SMYD3: variants seen among roughly 807,000 people sequenced by gnomAD.
The protein encoded by SMYD3 is histone-lysine N-methyltransferase SMYD3.
In SMYD3, 36 loss-of-function variants were observed where a neutral mutation model predicts 57.7. The ratio of observed to expected loss-of-function variants is 0.62; its 90% CI spans 0.48 to 0.82. SMYD3 has a LOEUF of 0.82. Ranked by LOEUF, SMYD3 falls within the 40% of genes least tolerant of loss-of-function variation. The pLI is 0.00. For missense variants in SMYD3, 515 were observed against 538.8 expected (o/e 0.96, Z 0.44); for synonymous variants, 211 against 195.0 (o/e 1.08, Z -0.68).
intron 5 of SMYD3, among the ~76,000 whole-genome samples, chr1:246,154,789 G>GT (rs56920133): frequency 0.017 from 2,511 of 144,052 alleles, 59 homozygotes; most frequent in African/African-American, 0.053. Flanking sequence ...TTTGTTTTTT[G>GT]TTTTTTTTTT....
chr1:246,430,230 A>T (rs1458696118), intron 1 of SMYD3, among the ~76,000 whole-genome samples: 1 of 152,264 alleles, frequency 6.6e-6, no homozygotes, highest in Non-Finnish European at 1.5e-5. Flanking sequence ...TGTTAAATGG[A>T]TATCAATAAA....
intron 8 of SMYD3, among the ~76,000 whole-genome samples, chr1:245,901,985 A>G (rs561888845): frequency 1.3e-5 from 2 of 152,194 alleles, no homozygotes; most frequent in Admixed American, 1.3e-4. Flanking sequence ...TTCATGCTGC[A>G]TTCTAGTCAC....
chr1:246,002,043 T>C (rs554692846), intron 5 of SMYD3, among the ~76,000 whole-genome samples: 7 of 152,242 alleles, frequency 4.6e-5, no homozygotes, highest in Admixed American at 6.5e-5. Context: ...CCTATCTTCC[T>C]TACGATTCTG....
intron 1 of SMYD3, among the ~76,000 whole-genome samples, chr1:246,440,753 C>G (rs2067450323): frequency 6.6e-6 from 1 of 152,176 alleles, no homozygotes; most frequent in Non-Finnish European, 1.5e-5. Flanking sequence ...AGCAGCAGCA[C>G]TGTGAGCTTT....
In SMYD3 at chr1:245,929,889, C is replaced by T. The variant is rs773777069; in HGVS notation, c.580G>A (p.Gly194Ser). 5 of 1,613,792 alleles carry T rather than the reference C, an allele frequency of 3.1e-6. No individual in the cohort carries two copies. Among genetic ancestry groups the T allele is most frequent in the Non-Finnish European group, 1.7e-6 (2 of 1,179,792 alleles). Residue 194 changes from glycine (G) to serine (S), a missense_variant, in exon 6 of 12, where the codon GGT becomes AGT. Coordinates refer to ENST00000490107, the MANE Select transcript of SMYD3 (RefSeq NM_001167740.2). ...CCATACCTGGGATATAGGCCAACACCAACTTCCTGCATCTCCGCATTACAG... is the reference window on the plus strand; with the variant it reads ...CCATACCTGGGATATAGGCCAACACTAACTTCCTGCATCTCCGCATTACAG... ...TICNAEMQEVGVGLYPSISLL... is the reference protein window; with the variant it reads ...TICNAEMQEVSVGLYPSISLL...
chr1:246,507,274 C>A lies in SMYD3; in HGVS notation c.-57G>T. 20 of 1,431,372 alleles carry A rather than the reference C, an allele frequency of 1.4e-5. No individual in the cohort carries two copies. The highest frequency in any genetic ancestry group is 1.7e-5 in the Non-Finnish European group (18 of 1,086,974). The allele number at this position is 1,431,372 out of a possible 1,614,324, so 88.7% of individuals were successfully genotyped here. On this transcript the variant is annotated 5_prime_UTR_variant, in exon 1 of 12. Coordinates refer to ENST00000490107, the MANE Select transcript of SMYD3 (RefSeq NM_001167740.2). ...CCCGCGTCCAGCAGCGGGCGTCTCA[C>A]GGGCTGCCGGGACCCGCGCGCCTGC...
chr1:246,160,565 C>A (rs2062100425), intron 5 of SMYD3, among the ~76,000 whole-genome samples: 2 of 152,192 alleles, frequency 1.3e-5, no homozygotes, highest in Admixed American at 1.3e-4. Flanking sequence ...AGTTAAATTG[C>A]TCTGCATAAT....
chr1:246,366,367 G>C (rs2066102259), intron 1 of SMYD3, among the ~76,000 whole-genome samples: 1 of 152,110 alleles, frequency 6.6e-6, no homozygotes, highest in Non-Finnish European at 1.5e-5. Context: ...GGCAAGTTGA[G>C]TCCAAGAAAA....
chr1:246,427,767 T>C (rs995278584), intron 1 of SMYD3, among the ~76,000 whole-genome samples: 2 of 151,988 alleles, frequency 1.3e-5, no homozygotes, highest in Admixed American at 1.3e-4. Flanking sequence ...GGTGGGAGGA[T>C]GGCTTGAGCC....
rs576049101 is a variant in SMYD3, at chr1:245,784,747, C to G, written c.1077-20598G>C. 3.3e-5 allele frequency among the ~76,000 whole-genome samples: 5 copies of G among 152,152 alleles called. No homozygotes were observed. The East Asian group carries it at 9.7e-4, about 29-fold the overall frequency. ...GCTGCAGGGGTTCATCCACCCTAGC[C>G]TTGGAAGTCGCATTGATTCACTTCT... On this transcript the variant is annotated intron_variant, in intron 10 of 11. Transcript: ENST00000490107.
chr1:246,179,300 TTCCCTCTGTTG>T (rs1307719613), intron 5 of SMYD3: 1 of 152,622 alleles, frequency 6.6e-6, no homozygotes, highest in African/African-American at 2.4e-5. Flanking sequence ...GAAAGCGTCT[TTCCCTCTGTTG>T]TCCTCTTCAC....
At chr1:246,447,029 C>CAAA (rs57473890) in intron 1 of SMYD3, among the ~76,000 whole-genome samples, 2 of 109,146 alleles carry the variant, frequency 1.8e-5, no homozygotes, top group African/African-American at 3.3e-5. Flanking sequence ...ACTCCGTCTC[C>CAAA]AAAAAAAAAA....
At chr1:245,886,919 C>A (rs1054839582) in intron 8 of SMYD3, among the ~76,000 whole-genome samples, 17 of 152,238 alleles carry the variant, frequency 1.1e-4, no homozygotes, top group African/African-American at 3.4e-4. Flanking sequence ...GCCTTACCAG[C>A]CTTTATCCTC....
intron 10 of SMYD3, among the ~76,000 whole-genome samples, chr1:245,830,324 A>G (rs758928346): frequency 2.0e-5 from 3 of 152,184 alleles, no homozygotes; most frequent in Non-Finnish European, 4.4e-5. Context: ...AAGCAAAGGC[A>G]CGTCCTACAT....
intron 10 of SMYD3, among the ~76,000 whole-genome samples, chr1:245,813,145 G>T (rs1462138773): frequency 6.6e-6 from 1 of 150,712 alleles, no homozygotes; most frequent in African/African-American, 2.4e-5. Flanking sequence ...CTCCCAAGTA[G>T]CTGGGACTAC....
rs2062953730 is a variant in SMYD3, at chr1:246,203,691, C to T, written c.531+123510G>A. ...AAGACCTTCTCTCCAAATATGGTCACATTCTGAAGTACCGGTGGTTAGAAC... is the reference window on the plus strand; with the variant it reads ...AAGACCTTCTCTCCAAATATGGTCATATTCTGAAGTACCGGTGGTTAGAAC... On this transcript the variant is annotated intron_variant, in intron 5 of 11. Coordinates refer to ENST00000490107, the MANE Select transcript of SMYD3 (RefSeq NM_001167740.2). The surrounding 1 kb of genome is among the most constrained non-coding windows in gnomAD (Gnocchi z 4.6). 6.6e-6 allele frequency among the ~76,000 whole-genome samples: 1 copy of T among 152,240 alleles called. No homozygotes were observed. Among genetic ancestry groups the T allele is most frequent in the Non-Finnish European group, 1.5e-5 (1 of 68,042 alleles).
intron 5 of SMYD3, among the ~76,000 whole-genome samples, chr1:246,264,015 A>T (rs2064059621): frequency 6.6e-6 from 1 of 151,196 alleles, no homozygotes; most frequent in South Asian, 2.1e-4. Context: ...AAAAGGCCAT[A>T]TTGCCTAAGA....
intron 1 of SMYD3, among the ~76,000 whole-genome samples, chr1:246,391,419 AAAGAGAG>A (rs2066568231): frequency 5.9e-5 from 2 of 33,910 alleles, no homozygotes; most frequent in African/African-American, 3.4e-4. Context: ...AGAGAGAGAA[AAAGAGAG>A]AGAGAGAGAG....
chr1:246,491,371 G>A (rs982661445), intron 1 of SMYD3, among the ~76,000 whole-genome samples: 3 of 152,020 alleles, frequency 2.0e-5, no homozygotes, highest in African/African-American at 7.2e-5. Context: ...AACTCCGTCT[G>A]TACTAAAAAT....
Sources: gnomAD v4.1 joint callset for allele counts (sites outside exome capture counted in the v4.1 genomes callset) on GRCh38, gnomAD v4.1.1 for gene constraint, Gnocchi (gnomAD v3.1) non-coding constraint, MANE v1.5 for transcripts, NCBI Gene and HGNC (gene_info 2026-07-23, HGNC 2026-07-21) for gene names.